The following SCAF4 variants were observed in gnomAD, a reference collection of about 807,000 sequenced individuals.
SCAF4 encodes the protein SR-related and CTD-associated factor 4.
Under a neutral mutation model 129.8 loss-of-function variants are expected in SCAF4, and 25 were observed. The observed-to-expected ratio is 0.19, with a 90% CI of 0.14 to 0.27. SCAF4 has a LOEUF of 0.27. SCAF4 is among the 10% of genes least tolerant of loss of function. The probability of loss-of-function intolerance (pLI) is 1.00; values close to 1 mark genes in which losing one functional copy is unlikely to be tolerated. For synonymous variants in SCAF4, 551 were observed against 497.7 expected (o/e 1.11, Z -1.43); for missense variants, 1,246 against 1,457.1 (o/e 0.86, Z 2.36).
intron 12 of SCAF4, among the ~76,000 whole-genome samples, 184 bp from the exon 13 acceptor site, chr21:31,692,633 A>G (rs915005162): frequency 1.3e-5 from 2 of 152,240 alleles, no homozygotes; most frequent in African/African-American, 4.8e-5. Flanking sequence ...CAGAAAGAGA[A>G]CTGGGATAGT....
chr21:31,678,406 C>G (rs202441), intron 19 of SCAF4, among the ~76,000 whole-genome samples: 2,821 of 152,260 alleles, frequency 0.019, 42 homozygotes, highest in Non-Finnish European at 0.031. Context: ...TCCATTGCAC[C>G]AGCCCAACGT....
intron 11 of SCAF4, 27 bp downstream of exon 11, chr21:31,694,177 T>C: frequency 7.4e-7 from 1 of 1,350,814 alleles, no homozygotes; most frequent in African/African-American, 1.4e-5. Context: ...ATATACAGGG[T>C]TGGAAAAAAC....
chr21:31,673,399 G>A (rs2049762796), intron 19 of SCAF4, among the ~76,000 whole-genome samples: 1 of 136,146 alleles, frequency 7.3e-6, no homozygotes, highest in Admixed American at 6.9e-5. Flanking sequence ...AGGTCTTTGA[G>A]CAAGTTATGG....
chr21:31,708,219 C>T (rs1268742822), intron 1 of SCAF4, among the ~76,000 whole-genome samples: 2 of 151,888 alleles, frequency 1.3e-5, no homozygotes, highest in Non-Finnish European at 2.9e-5. Flanking sequence ...GAAACCTCAT[C>T]TCTACTATAA....
In SCAF4 at chr21:31,732,002, C is replaced by G; in HGVS notation, c.-310G>C. On this transcript the variant is annotated 5_prime_UTR_variant, in exon 1 of 20. Coordinates refer to ENST00000286835, the MANE Select transcript of SCAF4 (RefSeq NM_020706.2). ...GCTCTGCGTCTCGCTGACACGGCCC[C>G]CCGCGCCCTCACGCACTGGCTCACA... 2.1e-6 allele frequency: 1 copy of G among 472,256 alleles called. No individual in the cohort carries two copies. The highest frequency in any genetic ancestry group is 3.7e-6 in the Non-Finnish European group (1 of 272,506). 29.3% of individuals were successfully genotyped at this position (472,256 alleles called of 1,614,324 possible).
intron 1 of SCAF4, among the ~76,000 whole-genome samples, chr21:31,710,542 C>G (rs563617583): frequency 3.5e-4 from 54 of 152,242 alleles, no homozygotes; most frequent in African/African-American, 1.2e-3. Context: ...GACCGAGACT[C>G]CGTCTCCAAA....
intron 16 of SCAF4, among the ~76,000 whole-genome samples, chr21:31,687,459 C>T (rs560127206): frequency 4.9e-4 from 74 of 152,096 alleles, no homozygotes; most frequent in Non-Finnish European, 8.2e-4. Flanking sequence ...ATATAAACAA[C>T]AGAGTTGAGA....
At position 31,696,026 on chromosome 21, in the gene SCAF4, C is replaced by T. The variant is rs192643921; in HGVS notation, c.1068+87G>A. 138 of 797,728 alleles carry T rather than the reference C, an allele frequency of 1.7e-4. 1 individual carries two copies. In the African/African-American group the frequency reaches 2.3e-3, roughly 13 times the overall value. 49.4% of individuals were successfully genotyped at this position (797,728 alleles called of 1,614,324 possible). On this transcript the variant is annotated intron_variant, in intron 9 of 19. Coordinates refer to ENST00000286835, the MANE Select transcript of SCAF4 (RefSeq NM_020706.2). ...AGATATAGTACGACTTAGCCAATTA[C>T]ATAGCTGCAGAGTGCTCTGTGGAAT...
chr21:31,710,018 G>GA (rs1170060333), intron 1 of SCAF4, among the ~76,000 whole-genome samples: 2 of 151,838 alleles, frequency 1.3e-5, no homozygotes, highest in Non-Finnish European at 2.9e-5. Flanking sequence ...CATTAACTAT[G>GA]AAAAGGAATA....
chr21:31,707,539 TTAAA>T (rs1380176647), intron 1 of SCAF4, among the ~76,000 whole-genome samples: 2 of 152,226 alleles, frequency 1.3e-5, no homozygotes, highest in East Asian at 3.8e-4. Context: ...ATCTACCTTC[TTAAA>T]TTATTGTTTT....
intron 19 of SCAF4, among the ~76,000 whole-genome samples, chr21:31,677,441 A>G (rs2049886899): frequency 6.6e-6 from 1 of 152,166 alleles, no homozygotes; most frequent in Non-Finnish European, 1.5e-5. Flanking sequence ...CCTCTATAGC[A>G]AATCTCCTGA....
Sources: allele counts gnomAD v4.1 joint callset (sites outside exome capture counted in the v4.1 genomes callset), GRCh38; gene constraint gnomAD v4.1.1; transcripts MANE v1.5; gene names NCBI Gene and HGNC (gene_info 2026-07-23, HGNC 2026-07-21).